Variants in PPARGC1A observed in about 807,000 individuals in gnomAD.
PPARGC1A encodes PPARG coactivator 1 alpha, also known as peroxisome proliferator-activated receptor gamma coactivator 1-alpha.
A neutral mutation model predicts 88.7 loss-of-function variants in PPARGC1A; 25 were observed. The ratio of observed to expected loss-of-function variants is 0.28; its 90% CI spans 0.21 to 0.39. The LOEUF is 0.39. PPARGC1A is among the 10% of genes least tolerant of loss of function. The pLI is 1.00. For synonymous variants in PPARGC1A, 363 were observed against 355.6 expected (o/e 1.02, Z -0.24); for missense variants, 880 against 968.7 (o/e 0.91, Z 1.22).
chr4:23,914,049 A>G, the PPARGC1A span, among the ~76,000 whole-genome samples: 1 of 152,240 alleles, frequency 6.6e-6, no homozygotes, highest in Admixed American at 6.5e-5. Flanking sequence ...AAAAGTCCAG[A>G]GAATGGACAC....
At chr4:24,234,777 A>G in the PPARGC1A span, among the ~76,000 whole-genome samples, 1 of 152,218 alleles carries the variant, frequency 6.6e-6, no homozygotes, top group Non-Finnish European at 1.5e-5. Context: ...ACGTAATCCA[A>G]TAAACAGACC....
At chr4:24,435,000 T>C in the PPARGC1A span, among the ~76,000 whole-genome samples, 18 of 152,248 alleles carry the variant, frequency 1.2e-4, no homozygotes, top group Non-Finnish European at 1.5e-5. Context: ...AAATAACTTT[T>C]ATTTCCAAAG....
chr4:24,135,864 TG>T, the PPARGC1A span, among the ~76,000 whole-genome samples: 1 of 152,212 alleles, frequency 6.6e-6, no homozygotes, highest in Non-Finnish European at 1.5e-5. Flanking sequence ...TGCTTCTTCA[TG>T]CATCGCTATC....
the PPARGC1A span, among the ~76,000 whole-genome samples, chr4:24,061,056 G>A: frequency 0.89 from 135,646 of 151,758 alleles, 60,658 homozygotes; most frequent in Admixed American, 0.94. Flanking sequence ...ATTTGTTCTG[G>A]AAAAAAAAAG....
At chr4:24,466,724 G>A in the PPARGC1A span, among the ~76,000 whole-genome samples, 8 of 151,780 alleles carry the variant, frequency 5.3e-5, no homozygotes, top group Non-Finnish European at 1.0e-4. Flanking sequence ...AGACCAGCCT[G>A]GCCAACATGG....
chr4:23,894,021 C>T (rs569425520), upstream of PPARGC1A, among the ~76,000 whole-genome samples: 1 of 152,208 alleles, frequency 6.6e-6, no homozygotes, highest in African/African-American at 2.4e-5. Flanking sequence ...GTTTGGAGGG[C>T]AGCTGGAAAG....
At chr4:24,386,795 T>C in the PPARGC1A span, among the ~76,000 whole-genome samples, 1 of 152,172 alleles carries the variant, frequency 6.6e-6, no homozygotes, top group African/African-American at 2.4e-5. Context: ...TGAATCAATA[T>C]TGTGAAAATG....
the PPARGC1A span, among the ~76,000 whole-genome samples, chr4:24,062,705 T>A: frequency 6.6e-6 from 1 of 152,188 alleles, no homozygotes; most frequent in Non-Finnish European, 1.5e-5. Flanking sequence ...TGAAGCACCA[T>A]CCCATCCCTG....
At chr4:24,382,784 G>A in the PPARGC1A span, among the ~76,000 whole-genome samples, 1 of 152,198 alleles carries the variant, frequency 6.6e-6, no homozygotes, top group African/African-American at 2.4e-5. Flanking sequence ...CAGAGCACCT[G>A]GGGGAAGGGG....
the PPARGC1A span, among the ~76,000 whole-genome samples, chr4:24,430,776 G>A: frequency 6.6e-6 from 1 of 152,136 alleles, no homozygotes; most frequent in African/African-American, 2.4e-5. Context: ...CAAGGCAAGA[G>A]TCCAGAAGAG....
chr4:24,063,529 T>C, the PPARGC1A span, among the ~76,000 whole-genome samples: 1 of 152,124 alleles, frequency 6.6e-6, no homozygotes, highest in Non-Finnish European at 1.5e-5. Flanking sequence ...ATCTGTAAAA[T>C]TGGGATAATA....
the PPARGC1A span, among the ~76,000 whole-genome samples, chr4:24,333,145 G>A: frequency 2.0e-5 from 3 of 152,158 alleles, no homozygotes; most frequent in East Asian, 5.8e-4. Context: ...AGGAGGCTGA[G>A]AGGCATGAGA....
chr4:24,379,972 T>C, the PPARGC1A span, among the ~76,000 whole-genome samples: 1 of 152,094 alleles, frequency 6.6e-6, no homozygotes, highest in Non-Finnish European at 1.5e-5. Flanking sequence ...AAGACAGGGT[T>C]TCACCATGTT....
the PPARGC1A span, among the ~76,000 whole-genome samples, chr4:24,145,927 A>AT: frequency 6.6e-6 from 1 of 152,172 alleles, no homozygotes; most frequent in Middle Eastern, 3.2e-3. Flanking sequence ...TGAGTCTTAC[A>AT]TTTCAATGTT....
chr4:24,064,948 A>T, the PPARGC1A span, among the ~76,000 whole-genome samples: 2 of 152,206 alleles, frequency 1.3e-5, no homozygotes, highest in African/African-American at 4.8e-5. Context: ...ACAAAGAAGT[A>T]TCAGGGACTT....
chr4:24,347,582 C>G, the PPARGC1A span, among the ~76,000 whole-genome samples: 1 of 152,074 alleles, frequency 6.6e-6, no homozygotes, highest in African/African-American at 2.4e-5. Context: ...TACCCCTGCT[C>G]GCTTTTGTTG....
At chr4:23,852,962 G>A (rs1729571074) in intron 2 of PPARGC1A, among the ~76,000 whole-genome samples, 1 of 152,100 alleles carries the variant, frequency 6.6e-6, no homozygotes, top group Admixed American at 6.6e-5. Flanking sequence ...GTCTTTTGCA[G>A]GTTAACAGGA....
chr4:24,097,866 C>T, the PPARGC1A span, among the ~76,000 whole-genome samples: 1 of 152,158 alleles, frequency 6.6e-6, no homozygotes, highest in Non-Finnish European at 1.5e-5. Context: ...GCCAATTGAA[C>T]ACCTGTGGCT....
At chr4:24,380,067 G>A in the PPARGC1A span, among the ~76,000 whole-genome samples, 4 of 152,008 alleles carry the variant, frequency 2.6e-5, no homozygotes, top group African/African-American at 4.8e-5. Flanking sequence ...CTGAGCCACC[G>A]TGCCTGGCCT....
Sources: gnomAD v4.1 joint callset for allele counts (sites outside exome capture counted in the v4.1 genomes callset) on GRCh38, gnomAD v4.1.1 for gene constraint, MANE v1.5 for transcripts, NCBI Gene and HGNC (gene_info 2026-07-23, HGNC 2026-07-21) for gene names.